AUTS2: variants seen among roughly 807,000 people sequenced by gnomAD.
AUTS2 encodes activator of transcription and developmental regulator AUTS2, also known as autism susceptibility gene 2 protein.
A neutral mutation model predicts 112.4 loss-of-function variants in AUTS2; 17 were observed. That is an observed-to-expected ratio of 0.15 (90% CI 0.10 to 0.23). The LOEUF (loss-of-function observed/expected upper bound fraction) is 0.23. Ranked by LOEUF, AUTS2 falls within the 10% of genes least tolerant of loss-of-function variation. AUTS2 has a pLI of 1.00. For missense variants in AUTS2, 1,510 were observed against 1,701.6 expected (o/e 0.89, Z 1.98); for synonymous variants, 751 against 702.7 (o/e 1.07, Z -1.09).
chr7:69,979,712 G>C (rs1293635658), intron 2 of AUTS2, among the ~76,000 whole-genome samples: 2 of 152,168 alleles, frequency 1.3e-5, no homozygotes, highest in African/African-American at 4.8e-5. Flanking sequence ...CTTTCATTAA[G>C]CCGTGTTACC....
At chr7:69,851,845 T>C (rs1792497384) in intron 1 of AUTS2, among the ~76,000 whole-genome samples, 1 of 152,254 alleles carries the variant, frequency 6.6e-6, no homozygotes, top group African/African-American at 2.4e-5. Flanking sequence ...TCTTCAACTT[T>C]GCAGAGTTGA....
chr7:70,197,534 C>T (rs1295159737), intron 4 of AUTS2, among the ~76,000 whole-genome samples: 2 of 126,494 alleles, frequency 1.6e-5, no homozygotes, highest in Admixed American at 8.2e-5. Context: ...ACCTGGGAAG[C>T]GCAAGGGGTC....
intron 2 of AUTS2, among the ~76,000 whole-genome samples, chr7:69,985,024 T>G (rs1176929099): frequency 6.6e-6 from 1 of 152,052 alleles, no homozygotes; most frequent in African/African-American, 2.4e-5. Context: ...AATAAAGCTG[T>G]TCTTTCAGCC....
chr7:70,134,668 T>G (rs1391337949), intron 4 of AUTS2, 97 bp downstream of exon 4: 1 of 1,162,956 alleles, frequency 8.6e-7, no homozygotes, highest in Non-Finnish European at 1.3e-6. Flanking sequence ...ATCTGAGAAT[T>G]TCTCTCTCAG....
intron 2 of AUTS2, among the ~76,000 whole-genome samples, chr7:69,908,168 T>C (rs1056115026): frequency 6.6e-6 from 1 of 152,218 alleles, no homozygotes; most frequent in African/African-American, 2.4e-5. Context: ...ACGCTTTCAC[T>C]ACTATCACTC....
At chr7:70,265,317 G>T (rs1787364933) in intron 4 of AUTS2, among the ~76,000 whole-genome samples, 1 of 152,172 alleles carries the variant, frequency 6.6e-6, no homozygotes, top group South Asian at 2.1e-4. Flanking sequence ...TTATCTCCAT[G>T]AGAGCAACTG....
At chr7:69,721,271 G>A (rs1362848072) in intron 1 of AUTS2, among the ~76,000 whole-genome samples, 1 of 152,160 alleles carries the variant, frequency 6.6e-6, no homozygotes, top group Admixed American at 6.5e-5. Flanking sequence ...TTTTCACTGT[G>A]CCTAGAATGC....
At chr7:70,740,478 T>G (rs984678360) in intron 6 of AUTS2, among the ~76,000 whole-genome samples, 1 of 152,158 alleles carries the variant, frequency 6.6e-6, no homozygotes, top group Non-Finnish European at 1.5e-5. Flanking sequence ...TTTATGTCTT[T>G]CCTCCTGAGT....
At chr7:70,629,042 G>A (rs529297314) in intron 5 of AUTS2, among the ~76,000 whole-genome samples, 16 of 152,268 alleles carry the variant, frequency 1.1e-4, no homozygotes, top group African/African-American at 3.4e-4. Context: ...CATATCCATC[G>A]CGGGGCAGTC....
intron 2 of AUTS2, among the ~76,000 whole-genome samples, chr7:69,921,651 A>G (rs1292271439): frequency 1.3e-5 from 2 of 151,552 alleles, no homozygotes; most frequent in Non-Finnish European, 2.9e-5. Context: ...TGTGCCTATA[A>G]TCCCAGCTAC....
intron 1 of AUTS2, among the ~76,000 whole-genome samples, chr7:69,693,656 T>C (rs190582385): frequency 8.5e-5 from 13 of 152,302 alleles, no homozygotes; most frequent in Non-Finnish European, 5.9e-5. Flanking sequence ...TACTGTGATA[T>C]CATATCTCTC....
rs568601807 is a variant in AUTS2 at position 70,446,955 on chromosome 7, G to A, written c.690+11174G>A. ...TGCCTTGTGTACATAACCAGGTGCC[G>A]CCCACAGTGGCTGCTGCCATCTGCT... On this transcript the variant is annotated intron_variant, in intron 5 of 18. Coordinates refer to ENST00000342771, the MANE Select transcript of AUTS2 (RefSeq NM_015570.4). 2.8e-4 allele frequency among the ~76,000 whole-genome samples: 43 copies of A among 152,252 alleles called. No homozygotes were observed. The South Asian group carries it at 4.8e-3, about 17-fold the overall frequency.
intron 1 of AUTS2, among the ~76,000 whole-genome samples, chr7:69,787,893 C>A (rs1789448148): frequency 6.6e-6 from 1 of 152,100 alleles, no homozygotes; most frequent in Non-Finnish European, 1.5e-5. Context: ...CATTTTGGCA[C>A]CAGTTTTACC....
chr7:70,323,208 A>G (rs1790334004), intron 4 of AUTS2, among the ~76,000 whole-genome samples: 1 of 152,236 alleles, frequency 6.6e-6, no homozygotes. Flanking sequence ...TGGTTTCTAC[A>G]GTTAGCATTC....
In AUTS2 at chr7:70,185,257, C is replaced by CTTTTTTT. The variant is rs35215443; in HGVS notation, c.660+50707_660+50713dup. ...TGCTTTGGGCCTAAATGACATTAAA[C>CTTTTTTT]TTTTTTTTTTTTTTTTTTTTTTTTT... On this transcript the variant is annotated intron_variant, in intron 4 of 18. Coordinates refer to ENST00000342771, the MANE Select transcript of AUTS2 (RefSeq NM_015570.4). Among the ~76,000 whole-genome samples the CTTTTTTT allele has an allele frequency of 1.6e-4, 14 of 87,088 alleles. 1 individual carries two copies. Among genetic ancestry groups the CTTTTTTT allele is most frequent in the East Asian group, 1.1e-3 (3 of 2,674 alleles). The allele number at this position is 87,088 out of a possible 152,430, so 57.1% of individuals were successfully genotyped here.
At chr7:69,915,263 T>C (rs1795529832) in intron 2 of AUTS2, among the ~76,000 whole-genome samples, 1 of 152,232 alleles carries the variant, frequency 6.6e-6, no homozygotes, top group Admixed American at 6.5e-5. Context: ...CTCCCTTCTG[T>C]CCTTTTAAGA....
chr7:70,487,909 G>A (rs1488868825), intron 5 of AUTS2, among the ~76,000 whole-genome samples: 4 of 152,210 alleles, frequency 2.6e-5, no homozygotes, highest in Non-Finnish European at 5.9e-5. Flanking sequence ...GTTAAAATAG[G>A]GGGATGAGTA....
chr7:70,755,589 T>G (rs1179678963), intron 6 of AUTS2, among the ~76,000 whole-genome samples: 1 of 151,750 alleles, frequency 6.6e-6, no homozygotes, highest in African/African-American at 2.4e-5. Context: ...CAGTTGAACC[T>G]GGGAGGTGAG....
intron 1 of AUTS2, among the ~76,000 whole-genome samples, chr7:69,702,697 T>C (rs954116492): frequency 3.3e-5 from 5 of 152,070 alleles, no homozygotes; most frequent in South Asian, 4.1e-4. Flanking sequence ...AAATGCAGAT[T>C]TGGGGACTCC....
Sources: gnomAD v4.1 joint callset for allele counts (sites outside exome capture counted in the v4.1 genomes callset) on GRCh38, gnomAD v4.1.1 for gene constraint, MANE v1.5 for transcripts, NCBI Gene and HGNC (gene_info 2026-07-23, HGNC 2026-07-21) for gene names.